LRRFIP2: variants seen among roughly 807,000 people sequenced by gnomAD.
LRRFIP2 encodes leucine-rich repeat flightless-interacting protein 2.
In LRRFIP2, 109 loss-of-function variants were observed where a neutral mutation model predicts 125.9. The ratio of observed to expected loss-of-function variants is 0.87; its 90% CI spans 0.74 to 1.01. The LOEUF (loss-of-function observed/expected upper bound fraction) is 1.01, where lower values mean the gene tolerates loss of function less well. LRRFIP2 is among the 50% of genes least tolerant of loss of function. The pLI is 0.00. For missense variants in LRRFIP2, 850 were observed against 862.3 expected (o/e 0.99, Z 0.18); for synonymous variants, 291 against 293.1 (o/e 0.99, Z 0.07).
At position 37,129,524 on chromosome 3, in the gene LRRFIP2, A is replaced by G. The variant is rs370479764; in HGVS notation, c.91-375T>C. ...CTCTCTTTCATTTTGGACACTGCCAATAATCAGTCTCCAAGTACTGACAAT... is the reference window on the plus strand; with the variant it reads ...CTCTCTTTCATTTTGGACACTGCCAGTAATCAGTCTCCAAGTACTGACAAT... On this transcript the variant is annotated intron_variant, in intron 2 of 27. Transcript: ENST00000336686. Among the ~76,000 whole-genome samples the G allele has an allele frequency of 1.5e-4, 23 of 152,324 alleles. 1 individual carries two copies. In the East Asian group the frequency reaches 3.9e-3, roughly 26 times the overall value.
At chr3:37,087,961 T>G (rs1427642991) in intron 18 of LRRFIP2, among the ~76,000 whole-genome samples, 1 of 152,196 alleles carries the variant, frequency 6.6e-6, no homozygotes, top group Non-Finnish European at 1.5e-5. Flanking sequence ...TCCTGGGAAC[T>G]GGGTAAAAAT....
At chr3:37,144,386 A>T (rs2095803409) in intron 2 of LRRFIP2, among the ~76,000 whole-genome samples, 1 of 152,212 alleles carries the variant, frequency 6.6e-6, no homozygotes, top group Non-Finnish European at 1.5e-5. Context: ...AACATTTGTT[A>T]ATGCTGGGTG....
intron 2 of LRRFIP2, among the ~76,000 whole-genome samples, chr3:37,145,601 T>C (rs1191349683): frequency 1.3e-5 from 2 of 152,240 alleles, no homozygotes; most frequent in Non-Finnish European, 2.9e-5. Context: ...TTTAGAGAGC[T>C]ATCTGAACAT....
rs749375442 is a variant in LRRFIP2 at position 37,058,800 on chromosome 3, G to A, written c.1860C>T (p.Ile620=). The A allele has an allele frequency of 3.7e-6, 6 of 1,613,826 alleles. No homozygotes were observed. Among genetic ancestry groups the A allele is most frequent in the South Asian group, 1.1e-5 (1 of 91,070 alleles). ...GLQNGSDLQF[I]EMQRDANRQI... ...TCCCCTGGTACCTACTCTGCATTTCGATGAACTGCAAGTCTGAGCCATTCT... is the reference window on the plus strand; with the variant it reads ...TCCCCTGGTACCTACTCTGCATTTCAATGAACTGCAAGTCTGAGCCATTCT... Residue 620 remains isoleucine (I), a synonymous_variant, in exon 25 of 28, where the codon ATC becomes ATT. Transcript: ENST00000336686.
intron 15 of LRRFIP2, among the ~76,000 whole-genome samples, chr3:37,102,001 TCA>T (rs1199934076): frequency 6.6e-6 from 1 of 152,242 alleles, no homozygotes; most frequent in Non-Finnish European, 1.5e-5. Context: ...TAAAATATAT[TCA>T]GATTGTTCCT....
At chr3:37,085,893 C>T (rs2093012445) in intron 18 of LRRFIP2, among the ~76,000 whole-genome samples, 1 of 152,016 alleles carries the variant, frequency 6.6e-6, no homozygotes, top group Non-Finnish European at 1.5e-5. Flanking sequence ...AAATGTAAAA[C>T]CTTTATGCTG....
intron 13 of LRRFIP2, among the ~76,000 whole-genome samples, chr3:37,107,066 G>C (rs1400106075): frequency 6.6e-6 from 1 of 151,986 alleles, no homozygotes; most frequent in Non-Finnish European, 1.5e-5. Flanking sequence ...CACCACGCCA[G>C]GCTAATTGTG....
At chr3:37,162,155 CAAAAAAAAAA>C (rs71091697) in intron 1 of LRRFIP2, among the ~76,000 whole-genome samples, 7 of 74,006 alleles carry the variant, frequency 9.5e-5, no homozygotes, top group Non-Finnish European at 1.2e-4. Flanking sequence ...GACCCTGTCT[CAAAAAAAAAA>C]AAAAAAAAAA....
chr3:37,133,960 T>C (rs559749154), intron 2 of LRRFIP2, among the ~76,000 whole-genome samples: 1 of 152,128 alleles, frequency 6.6e-6, no homozygotes, highest in Non-Finnish European at 1.5e-5. Flanking sequence ...TCAGAAAAAT[T>C]CAGAAAAATT....
intron 18 of LRRFIP2, among the ~76,000 whole-genome samples, chr3:37,085,589 T>C (rs1481030193): frequency 1.3e-5 from 2 of 151,810 alleles, no homozygotes; most frequent in Non-Finnish European, 2.9e-5. Context: ...ATAAAACTTT[T>C]TTTTTTTTTC....
intron 25 of LRRFIP2, among the ~76,000 whole-genome samples, chr3:37,056,706 G>A (rs2148622466): frequency 6.6e-6 from 1 of 152,052 alleles, no homozygotes; most frequent in South Asian, 2.1e-4. Context: ...ACCCACCTCA[G>A]CCTCCTAAAG....
intron 1 of LRRFIP2, among the ~76,000 whole-genome samples, chr3:37,149,373 C>T (rs1236818846): frequency 1.3e-5 from 2 of 151,858 alleles, no homozygotes; most frequent in African/African-American, 2.4e-5. Flanking sequence ...AAAAATTAGC[C>T]GAGCAGGGTG....
rs372826985 is a variant in LRRFIP2 at position 37,053,825 on chromosome 3, A to T, written c.*26T>A. 84 of 1,490,522 alleles carry T rather than the reference A, an allele frequency of 5.6e-5. No homozygotes were observed. Among genetic ancestry groups the T allele is most frequent in the Non-Finnish European group, 7.3e-5 (78 of 1,067,328 alleles). 92.3% of individuals were successfully genotyped at this position (1,490,522 alleles called of 1,614,324 possible). A position where few individuals can be genotyped will look rare whatever the true frequency, so the allele number is the denominator to read the frequency against. On this transcript the variant is annotated 3_prime_UTR_variant, in exon 28 of 28. Coordinates refer to ENST00000336686, the MANE Select transcript of LRRFIP2 (RefSeq NM_006309.4). ...CCCTCTAGGTAGGGCCCCAAGGAGC[A>T]TCACCCAGGTTGAAGGGTGGTTTTC...
intron 14 of LRRFIP2, among the ~76,000 whole-genome samples, chr3:37,105,117 T>C (rs2094254064): frequency 6.6e-6 from 1 of 152,220 alleles, no homozygotes; most frequent in Non-Finnish European, 1.5e-5. Context: ...TTTTATACAA[T>C]ATGGAAACAT....
chr3:37,088,886 T>C (rs1220335223), intron 18 of LRRFIP2, among the ~76,000 whole-genome samples: 2 of 151,856 alleles, frequency 1.3e-5, no homozygotes, highest in South Asian at 4.2e-4. Flanking sequence ...GAGGTAAAAA[T>C]AAATAATACA....
At chr3:37,146,821 T>G (rs1289138451) in intron 2 of LRRFIP2, among the ~76,000 whole-genome samples, 1 of 152,010 alleles carries the variant, frequency 6.6e-6, no homozygotes, top group Non-Finnish European at 1.5e-5. Context: ...GGCAAAAAAT[T>G]TCATGTTCAA....
chr3:37,123,083 T>G (rs1202734472), intron 4 of LRRFIP2, among the ~76,000 whole-genome samples: 1 of 152,256 alleles, frequency 6.6e-6, no homozygotes, highest in African/African-American at 2.4e-5. Context: ...CTTGACCAAA[T>G]GTATGCTGAA....
intron 4 of LRRFIP2, among the ~76,000 whole-genome samples, chr3:37,123,200 G>T (rs1475231243): frequency 2.0e-5 from 3 of 151,802 alleles, no homozygotes; most frequent in African/African-American, 7.3e-5. Flanking sequence ...TGTTGTTGTT[G>T]TTTTTTGAGA....
At chr3:37,085,258 C>CAA (rs2092958496) in intron 18 of LRRFIP2, among the ~76,000 whole-genome samples, 1 of 152,122 alleles carries the variant, frequency 6.6e-6, no homozygotes, top group Non-Finnish European at 1.5e-5. Context: ...GCCTGTAATC[C>CAA]TGGTACTTTG....
Sources: allele counts gnomAD v4.1 joint callset (sites outside exome capture counted in the v4.1 genomes callset), GRCh38; gene constraint gnomAD v4.1.1; transcripts MANE v1.5; gene names NCBI Gene and HGNC (gene_info 2026-07-23, HGNC 2026-07-21).